Variants in PLA2G5 observed in about 807,000 individuals in gnomAD.
PLA2G5 encodes the protein phospholipase A2 group V, also known as Ca2+-dependent phospholipase A2.
In PLA2G5, 12 loss-of-function variants were observed where a neutral mutation model predicts 15.9. The observed-to-expected ratio is 0.76, with a 90% CI of 0.48 to 1.23. PLA2G5 has a LOEUF of 1.23. PLA2G5 is among the 50% of genes most tolerant of loss of function. The pLI, the probability that PLA2G5 is intolerant of heterozygous loss-of-function variation, is 0.00. For synonymous variants in PLA2G5, 71 were observed against 71.4 expected (o/e 0.99, Z 0.03); for missense variants, 169 against 177.1 (o/e 0.95, Z 0.26).
chr1:20,089,883 G>C lies in PLA2G5; in HGVS notation c.280G>C (p.Val94Leu), dbSNP rs752087893. ...CTACAAATACAGATTCGCGTGGGGCGTGGTCACCTGCGGTAAGGCTGGGGC... is the reference window on the plus strand; with the variant it reads ...CTACAAATACAGATTCGCGTGGGGCCTGGTCACCTGCGGTAAGGCTGGGGC... Reference protein sequence around the residue: ...QSYKYRFAWGVVTCEPGPFCH... With the variant: ...QSYKYRFAWGLVTCEPGPFCH... Residue 94 changes from valine to leucine, a missense_variant, in exon 4 of 5, where the codon GTG (valine) becomes CTG (leucine). Val to Leu is a conservative substitution (Grantham distance 32). Coordinates refer to ENST00000375108, the MANE Select transcript of PLA2G5 (RefSeq NM_000929.3). The C allele has an allele frequency of 5.0e-6, 8 of 1,612,490 alleles. No individual in the cohort carries two copies. The highest frequency in any genetic ancestry group is 1.7e-4 in the Middle Eastern group (1 of 6,058).
At chr1:20,057,418 T>A (rs1218124794) in intron 1 of PLA2G5, among the ~76,000 whole-genome samples, 2 of 152,138 alleles carry the variant, frequency 1.3e-5, no homozygotes, top group Admixed American at 1.3e-4. Flanking sequence ...ATTTCTGCTT[T>A]GCAGAAATTA....
chr1:20,055,155 ATTTCAATCTG>A (rs1421801125), intron 1 of PLA2G5, among the ~76,000 whole-genome samples: 1 of 152,174 alleles, frequency 6.6e-6, no homozygotes, highest in Non-Finnish European at 1.5e-5. Flanking sequence ...TCCTGATGGC[ATTTCAATCTG>A]GCAACACAGA....
intron 1 of PLA2G5, among the ~76,000 whole-genome samples, chr1:20,076,031 C>T (rs570678763): frequency 6.6e-6 from 1 of 152,174 alleles, no homozygotes; most frequent in African/African-American, 2.4e-5. Flanking sequence ...GCCACCACAC[C>T]CAGCTAATTT....
At chr1:20,072,151 G>A (rs560119848) in intron 1 of PLA2G5, among the ~76,000 whole-genome samples, 30 of 151,930 alleles carry the variant, frequency 2.0e-4, no homozygotes, top group African/African-American at 6.5e-4. Flanking sequence ...AACAGTCCCC[G>A]TCCCCATCCC....
chr1:20,052,854 A>G (rs2014244067), intron 1 of PLA2G5, among the ~76,000 whole-genome samples: 1 of 152,170 alleles, frequency 6.6e-6, no homozygotes, highest in Non-Finnish European at 1.5e-5. Context: ...AGATAAATGC[A>G]TATCTGATTG....
At chr1:20,057,120 G>A (rs2014472195) in intron 1 of PLA2G5, among the ~76,000 whole-genome samples, 1 of 151,806 alleles carries the variant, frequency 6.6e-6, no homozygotes, top group African/African-American at 2.4e-5. Flanking sequence ...TAGTTGCCTG[G>A]CTAGAGATTT....
rs567871035 is a variant in PLA2G5, at chr1:20,031,637, T to A, written n.276+2928T>A. Among the ~76,000 whole-genome samples, 5 of 147,300 alleles carry A rather than the reference T, an allele frequency of 3.4e-5. No homozygotes were observed. In the East Asian group the frequency reaches 1.0e-3, roughly 31 times the overall value. ...TTTTTGTTAAGTGCCGCTAGGTTAG[T>A]CCTGTAAGAAAGGAAGAATTTTGGG... On this transcript the variant is annotated intron_variant and non_coding_transcript_variant, in intron 1 of 6. Transcript: ENST00000460175.
chr1:20,069,633 C>T (rs11573189), upstream of PLA2G5, among the ~76,000 whole-genome samples: 608 of 151,284 alleles, frequency 4.0e-3, 1 homozygote, highest in Non-Finnish European at 7.0e-3. Flanking sequence ...TGCACTCCAG[C>T]CTGGGTGACA....
intron 1 of PLA2G5, among the ~76,000 whole-genome samples, chr1:20,047,777 G>A (rs1042311143): frequency 2.0e-5 from 3 of 150,436 alleles, no homozygotes; most frequent in South Asian, 2.1e-4. Flanking sequence ...TATTTAAAAG[G>A]CATTTATAAT....
chr1:20,060,247 C>CA, intron 2 of PLA2G5, among the ~76,000 whole-genome samples: 1 of 83,704 alleles, frequency 1.2e-5, no homozygotes. Context: ...CTTTTTTCTT[C>CA]TTTTTTTTTT....
chr1:20,052,671 A>G (rs1034697897), intron 1 of PLA2G5, among the ~76,000 whole-genome samples: 6 of 152,158 alleles, frequency 3.9e-5, no homozygotes, highest in Non-Finnish European at 5.9e-5. Flanking sequence ...CTAGAGACTC[A>G]TTTTCTTCTA....
Position 20,084,686 on chromosome 1 carries a change from G to A in PLA2G5, c.-10-135G>A, listed in dbSNP as rs559699842. 1.6e-4 allele frequency: 112 copies of A among 703,116 alleles called. 3 individuals carry two copies. The South Asian group carries it at 1.9e-3, about 12-fold the overall frequency. 43.6% of individuals were successfully genotyped at this position (703,116 alleles called of 1,614,324 possible). The stretch of plus-strand genomic sequence containing the variant: ...GTTTTTTGCCTCATCTTTTCTGGCT[G>A]GACTCATCTTGTTTATTGCCCACCA... On this transcript the variant is annotated intron_variant, in intron 1 of 4. Transcript: ENST00000375108.
chr1:20,064,525 A>G lies in PLA2G5; in HGVS notation n.338-4348A>G, dbSNP rs141630753. On this transcript the variant is annotated intron_variant and non_coding_transcript_variant, in intron 2 of 6. Coordinates refer to the PLA2G5 transcript ENST00000460175. ...GGGAGGCGGAGGTTGCAGTGAGCTG[A>G]GATCATGCCACTGTACTTTAGCCTG... is the stretch of plus-strand genomic sequence containing the variant. Among the ~76,000 whole-genome samples, 559 of 151,834 alleles carry G rather than the reference A, an allele frequency of 3.7e-3. 5 individuals carry two copies. Among genetic ancestry groups the G allele is most frequent in the African/African-American group, 0.012 (489 of 41,402 alleles).
In PLA2G5 at chr1:20,090,723, A is replaced by G; in HGVS notation, c.*31A>G. On this transcript the variant is annotated 3_prime_UTR_variant, in exon 5 of 5. Coordinates refer to ENST00000375108, the MANE Select transcript of PLA2G5 (RefSeq NM_000929.3). ...CCCAGCGAGCTCCTCCCAGACCAAG[A>G]CTTTTGTTCTGTTTTTCTACAACAC... 1 of 1,612,372 alleles carries G rather than the reference A, an allele frequency of 6.2e-7. No individual in the cohort carries two copies. Among genetic ancestry groups the G allele is most frequent in the South Asian group, 1.1e-5 (1 of 91,002 alleles).
intron 1 of PLA2G5, among the ~76,000 whole-genome samples, chr1:20,030,181 GGT>G (rs906483633): frequency 6.6e-6 from 1 of 151,902 alleles, no homozygotes; most frequent in African/African-American, 2.4e-5. Context: ...CGCTGGCACT[GGT>G]CTCTGAGTTC....
chr1:20,086,257 G>A (rs1425240203), intron 3 of PLA2G5, 30 bp downstream of exon 3: 3 of 1,610,332 alleles, frequency 1.9e-6, no homozygotes, highest in East Asian at 4.5e-5. Context: ...TGCCCTTTAG[G>A]CTCCAGGCTC....
chr1:20,089,702 G>C, intron 3 of PLA2G5, 87 bp from the exon 4 acceptor site: 1 of 1,027,608 alleles, frequency 9.7e-7, no homozygotes, highest in Non-Finnish European at 1.5e-6. Context: ...CTCTGCTAAA[G>C]TGACATGGTT....
intron 2 of PLA2G5, among the ~76,000 whole-genome samples, chr1:20,060,690 G>A (rs981629605): frequency 6.6e-5 from 10 of 151,840 alleles, no homozygotes; most frequent in Non-Finnish European, 1.3e-4. Context: ...TTTAGGAGGA[G>A]GCCAACAGCC....
intron 1 of PLA2G5, among the ~76,000 whole-genome samples, chr1:20,029,278 C>T (rs2012750310): frequency 6.6e-6 from 1 of 152,138 alleles, no homozygotes; most frequent in Admixed American, 6.5e-5. Context: ...GTTTTGGTGG[C>T]CTGCCAGCAT....
Sources: allele counts gnomAD v4.1 joint callset (sites outside exome capture counted in the v4.1 genomes callset), GRCh38; gene constraint gnomAD v4.1.1; transcripts MANE v1.5; gene names NCBI Gene and HGNC (gene_info 2026-07-23, HGNC 2026-07-21).